DLG2: variants seen among roughly 807,000 people sequenced by gnomAD.
DLG2 encodes disks large homolog 2.
A neutral mutation model predicts 132.5 loss-of-function variants in DLG2; 45 were observed. The observed-to-expected ratio is 0.34, with a 90% CI of 0.27 to 0.44. DLG2 has a LOEUF of 0.44. Among genes scored for constraint, DLG2 ranks in the 20% least tolerant of loss-of-function variants. The probability of loss-of-function intolerance (pLI) is 1.00; values close to 1 mark genes in which losing one functional copy is unlikely to be tolerated. For missense variants in DLG2, 1,045 were observed against 1,196.9 expected, an observed-to-expected ratio of 0.87 and a Z score of 1.87; for synonymous variants, 424 against 419.6, an observed-to-expected ratio of 1.01 and a Z score of -0.13.
chr11:84,440,812 A>G (rs2099015009), intron 7 of DLG2, among the ~76,000 whole-genome samples: 4 of 152,200 alleles, frequency 2.6e-5, no homozygotes, highest in African/African-American at 9.7e-5. Context: ...TGAATTCTCA[A>G]GGTAAATACA....
rs920969617 is a variant in DLG2 at position 84,234,854 on chromosome 11, G to T, written c.573+16384C>A. 3.3e-5 allele frequency among the ~76,000 whole-genome samples: 5 copies of T among 152,268 alleles called. No individual in the cohort carries two copies. In the East Asian group the frequency reaches 7.7e-4, roughly 24 times the overall value. ...ACATAATTTGAAATGGCCACACAAA[G>T]TTTTCTCTTATGGGGAAAATCTACA... is the stretch of plus-strand genomic sequence containing the variant. On this transcript the variant is annotated intron_variant, in intron 8 of 27. Coordinates refer to ENST00000376104, the MANE Select transcript of DLG2 (RefSeq NM_001142699.3).
chr11:84,367,800 C>T (rs754435434), intron 7 of DLG2, among the ~76,000 whole-genome samples: 1 of 152,028 alleles, frequency 6.6e-6, no homozygotes, highest in Admixed American at 6.6e-5. Context: ...TCCTCCAGGA[C>T]CTTAACGAAT....
chr11:84,725,288 A>G (rs1456220418), intron 6 of DLG2, among the ~76,000 whole-genome samples: 1 of 152,048 alleles, frequency 6.6e-6, no homozygotes, highest in Non-Finnish European at 1.5e-5. Flanking sequence ...CTTCCTTATG[A>G]CCCCTATAAG....
intron 6 of DLG2, among the ~76,000 whole-genome samples, chr11:84,681,639 C>A (rs1418591287): frequency 6.6e-6 from 1 of 152,066 alleles, no homozygotes; most frequent in Non-Finnish European, 1.5e-5. Context: ...AATGCTTGAT[C>A]TCTGCAGGTG....
intron 21 of DLG2, among the ~76,000 whole-genome samples, chr11:83,528,867 G>A (rs969991337): frequency 6.6e-6 from 1 of 152,140 alleles, no homozygotes; most frequent in African/African-American, 2.4e-5. Flanking sequence ...AGCACTCGGT[G>A]TTATTGCAAT....
chr11:83,617,001 C>T (rs955817814), intron 19 of DLG2, among the ~76,000 whole-genome samples: 5 of 152,162 alleles, frequency 3.3e-5, no homozygotes, highest in Non-Finnish European at 2.9e-5. Flanking sequence ...CATTGGTCTA[C>T]TTGTCTACAC....
intron 3 of DLG2, among the ~76,000 whole-genome samples, chr11:85,518,174 G>A (rs1256079266): frequency 6.6e-6 from 1 of 152,168 alleles, no homozygotes; most frequent in Non-Finnish European, 1.5e-5. Flanking sequence ...CTGAAAATGT[G>A]GAAGTGACTT....
chr11:84,335,015 T>C (rs80097863), intron 7 of DLG2, among the ~76,000 whole-genome samples: 2 of 151,906 alleles, frequency 1.3e-5, no homozygotes, highest in East Asian at 1.9e-4. Context: ...AAAATGCAAA[T>C]AGCTAAAATT....
At chr11:84,434,919 A>G (rs1006766715) in intron 7 of DLG2, among the ~76,000 whole-genome samples, 2 of 81,924 alleles carry the variant, frequency 2.4e-5, no homozygotes, top group East Asian at 5.0e-4. Flanking sequence ...TCACCTACTG[A>G]AAAAAAAAAA....
intron 8 of DLG2, among the ~76,000 whole-genome samples, chr11:84,250,800 C>T (rs867758016): frequency 6.6e-5 from 10 of 152,166 alleles, no homozygotes; most frequent in East Asian, 1.9e-4. Flanking sequence ...TCTACCCTCA[C>T]GAAACTTTTG....
intron 6 of DLG2, among the ~76,000 whole-genome samples, chr11:84,684,812 C>G (rs2099736617): frequency 6.6e-6 from 1 of 152,178 alleles, no homozygotes; most frequent in South Asian, 2.1e-4. Context: ...TTACTGCAAT[C>G]TAATAACTCA....
At chr11:83,935,048 C>T (rs560939409) in intron 14 of DLG2, among the ~76,000 whole-genome samples, 6 of 152,296 alleles carry the variant, frequency 3.9e-5, no homozygotes, top group Non-Finnish European at 7.4e-5. Flanking sequence ...CTTTCAGATT[C>T]TCCAAAGGTT....
intron 6 of DLG2, among the ~76,000 whole-genome samples, chr11:84,817,238 A>G (rs1697405538): frequency 1.3e-5 from 2 of 152,110 alleles, no homozygotes; most frequent in Non-Finnish European, 2.9e-5. Context: ...AGTGGCTCAA[A>G]GCAAGTTACT....
At chr11:84,442,706 A>G (rs553273526) in intron 7 of DLG2, among the ~76,000 whole-genome samples, 6 of 148,978 alleles carry the variant, frequency 4.0e-5, no homozygotes, top group South Asian at 2.1e-4. Context: ...TAATTAAAAA[A>G]AAAGAAAGAA....
intron 7 of DLG2, among the ~76,000 whole-genome samples, chr11:84,288,063 G>A (rs1457251715): frequency 1.3e-5 from 2 of 151,874 alleles, no homozygotes; most frequent in African/African-American, 4.8e-5. Flanking sequence ...AGGGAAGGTA[G>A]ATGAGTCTGG....
chr11:84,938,251 C>G (rs938911687), intron 6 of DLG2, among the ~76,000 whole-genome samples: 5 of 152,146 alleles, frequency 3.3e-5, no homozygotes, highest in Non-Finnish European at 7.3e-5. Context: ...GCATCTTCCA[C>G]AGGGTTCTTA....
intron 15 of DLG2, among the ~76,000 whole-genome samples, chr11:83,894,346 AAAAG>A (rs1596063604): frequency 6.6e-6 from 1 of 152,212 alleles, no homozygotes. Context: ...AAGAAAGAAG[AAAAG>A]AAAGAGAAGC....
chr11:83,883,041 A>G (rs1038551416), intron 15 of DLG2, among the ~76,000 whole-genome samples: 1 of 152,020 alleles, frequency 6.6e-6, no homozygotes, highest in South Asian at 2.1e-4. Flanking sequence ...ACACTGGCCA[A>G]TCAAGCATGT....
rs780912401 is a variant in DLG2, at chr11:85,589,352, G to C, written c.40+9305C>G. On this transcript the variant is annotated intron_variant, in intron 3 of 27. Transcript: ENST00000376104. Reference sequence around the variant, plus strand: ...GAGAGCACCAGCTGTGATAGAAGAGGGGGGATATAAGCTTGCCCTAAGTTG... The same window carrying C: ...GAGAGCACCAGCTGTGATAGAAGAGCGGGGATATAAGCTTGCCCTAAGTTG... Among the ~76,000 whole-genome samples the C allele has an allele frequency of 1.1e-4, 17 of 152,140 alleles. 1 individual carries two copies. Among genetic ancestry groups the C allele is most frequent in the African/African-American group, 4.1e-4 (17 of 41,414 alleles).
Sources: allele counts gnomAD v4.1 joint callset (sites outside exome capture counted in the v4.1 genomes callset), GRCh38; gene constraint gnomAD v4.1.1; transcripts MANE v1.5; gene names NCBI Gene and HGNC (gene_info 2026-07-23, HGNC 2026-07-21).